The following MGAT4C variants were observed in gnomAD, a reference collection of about 807,000 sequenced individuals.
The protein encoded by MGAT4C is alpha-1,3-mannosyl-glycoprotein 4-beta-N-acetylglucosaminyltransferase C.
Under a neutral mutation model 40.1 loss-of-function variants are expected in MGAT4C, and 19 were observed. The observed-to-expected ratio is 0.47, with a 90% confidence interval of 0.33 to 0.70. The LOEUF (loss-of-function observed/expected upper bound fraction) is 0.70. MGAT4C is among the 30% of genes least tolerant of loss of function. MGAT4C has a pLI of 0.02. For synonymous variants in MGAT4C, 181 were observed against 187.1 expected (o/e 0.97, Z 0.27); for missense variants, 491 against 563.2 (o/e 0.87, Z 1.30).
At chr12:86,051,247 C>A (rs1892863042) in intron 1 of MGAT4C, among the ~76,000 whole-genome samples, 1 of 151,996 alleles carries the variant, frequency 6.6e-6, no homozygotes, top group African/African-American at 2.4e-5. Context: ...ACTGTACTTA[C>A]TAGTGATGTA....
chr12:86,340,237 A>T (rs1162056717), intron 3 of MGAT4C, among the ~76,000 whole-genome samples: 1 of 152,128 alleles, frequency 6.6e-6, no homozygotes, highest in Non-Finnish European at 1.5e-5. Context: ...TACTTCTATA[A>T]TTTTTATCCA....
intron 2 of MGAT4C, among the ~76,000 whole-genome samples, chr12:86,491,373 G>C (rs1958130652): frequency 6.6e-6 from 1 of 152,134 alleles, no homozygotes; most frequent in African/African-American, 2.4e-5. Context: ...TATCCTTGAT[G>C]AACATTGATG....
At chr12:86,797,544 T>C (rs533132828) in intron 1 of MGAT4C, among the ~76,000 whole-genome samples, 6 of 152,040 alleles carry the variant, frequency 3.9e-5, no homozygotes, top group South Asian at 2.1e-4. Flanking sequence ...GTTTTTACTA[T>C]CTGTTTGTAG....
intron 4 of MGAT4C, among the ~76,000 whole-genome samples, chr12:85,981,111 C>T (rs1884551518): frequency 6.6e-6 from 1 of 151,918 alleles, no homozygotes; most frequent in Admixed American, 6.6e-5. Context: ...TACATTGTTC[C>T]AAGACATAAG....
At chr12:86,796,011 C>CA (rs1177404404) in intron 1 of MGAT4C, among the ~76,000 whole-genome samples, 1 of 152,032 alleles carries the variant, frequency 6.6e-6, no homozygotes, top group African/African-American at 2.4e-5. Flanking sequence ...ACATGAACTT[C>CA]AAAAAATTTA....
intron 2 of MGAT4C, among the ~76,000 whole-genome samples, chr12:86,591,698 A>G (rs1961338123): frequency 6.6e-6 from 1 of 151,826 alleles, no homozygotes; most frequent in African/African-American, 2.4e-5. Context: ...CATTTTAAGC[A>G]ATAGATATAC....
intron 2 of MGAT4C, among the ~76,000 whole-genome samples, chr12:86,558,862 C>T (rs1375111444): frequency 2.0e-5 from 3 of 151,848 alleles, no homozygotes; most frequent in Non-Finnish European, 2.9e-5. Context: ...ATAAATAATT[C>T]TCATTTATCA....
intron 1 of MGAT4C, among the ~76,000 whole-genome samples, chr12:86,253,349 A>C (rs1952382596): frequency 6.6e-6 from 1 of 151,962 alleles, no homozygotes; most frequent in Admixed American, 6.6e-5. Context: ...GGAGAGAGAA[A>C]GAGAAAGAAA....
intron 1 of MGAT4C, among the ~76,000 whole-genome samples, chr12:86,788,216 G>T (rs1330362485): frequency 6.6e-6 from 1 of 150,730 alleles, no homozygotes; most frequent in Non-Finnish European, 1.5e-5. Flanking sequence ...TCAAATTAAG[G>T]GGTTTAGATT....
intron 1 of MGAT4C, among the ~76,000 whole-genome samples, chr12:86,109,585 T>C (rs905156795): frequency 2.0e-5 from 3 of 152,068 alleles, no homozygotes; most frequent in African/African-American, 7.2e-5. Context: ...TCACTATTAT[T>C]CTGATTCATT....
intron 2 of MGAT4C, among the ~76,000 whole-genome samples, chr12:86,573,994 C>T (rs1220032065): frequency 6.6e-6 from 1 of 151,782 alleles, no homozygotes; most frequent in African/African-American, 2.4e-5. Context: ...TTTATATACT[C>T]TTACACAAGG....
chr12:86,774,281 C>CTCTTTCCTTCTTTCTTTCTT (rs1555227736), intron 1 of MGAT4C, among the ~76,000 whole-genome samples: 1 of 58,934 alleles, frequency 1.7e-5, no homozygotes, highest in African/African-American at 6.4e-5. Context: ...CTAAGGCTTG[C>CTCTTTCCTTCTTTCTTTCTT]TCTTTCTTTC....
chr12:86,408,479 CTATATATATATATA>C lies in MGAT4C; in HGVS notation c.-120+26664_-120+26677del, dbSNP rs71076198. Among the ~76,000 whole-genome samples the C allele has an allele frequency of 1.7e-4, 11 of 63,344 alleles. No homozygotes were observed. The East Asian group carries it at 2.2e-3, about 13-fold the overall frequency. The allele number at this position is 63,344 out of a possible 152,430, so 41.6% of individuals were successfully genotyped here. A position where few individuals can be genotyped will look rare whatever the true frequency, so the allele number is the denominator to read the frequency against. ...TCTCTCTCTCTCTCTCTCTCTCTCT[CTATATATATATATA>C]TATATATATATATATATATATTCTT... is the stretch of plus-strand genomic sequence containing the variant. On this transcript the variant is annotated intron_variant, in intron 3 of 7. Coordinates refer to the MGAT4C transcript ENST00000548651.
intron 2 of MGAT4C, among the ~76,000 whole-genome samples, chr12:86,691,119 T>C (rs904408738): frequency 2.0e-5 from 3 of 152,220 alleles, no homozygotes; most frequent in Non-Finnish European, 4.4e-5. Context: ...GATCTGTCTA[T>C]ATTCAATCCA....
chr12:86,462,666 C>G (rs1957618857), intron 2 of MGAT4C, among the ~76,000 whole-genome samples: 1 of 152,122 alleles, frequency 6.6e-6, no homozygotes, highest in African/African-American at 2.4e-5. Context: ...AGCCTTCAGT[C>G]TATAGCTGAA....
chr12:86,804,383 A>T (rs1593223004), intron 1 of MGAT4C, among the ~76,000 whole-genome samples: 2 of 150,582 alleles, frequency 1.3e-5, no homozygotes, highest in Admixed American at 1.3e-4. Context: ...AAGCTGCACA[A>T]TGTGCACATG....
chr12:86,618,971 T>C (rs1019053449), intron 2 of MGAT4C, among the ~76,000 whole-genome samples: 4 of 151,686 alleles, frequency 2.6e-5, no homozygotes, highest in African/African-American at 9.7e-5. Flanking sequence ...AATAAAATAA[T>C]TAGAAAAATA....
intron 1 of MGAT4C, among the ~76,000 whole-genome samples, chr12:86,250,786 A>G (rs1952241578): frequency 6.6e-6 from 1 of 152,126 alleles, no homozygotes. Context: ...TTAAAACATC[A>G]GAAGTTTTAT....
intron 3 of MGAT4C, among the ~76,000 whole-genome samples, chr12:86,362,008 A>G (rs1955486164): frequency 6.6e-6 from 1 of 152,250 alleles, no homozygotes; most frequent in African/African-American, 2.4e-5. Flanking sequence ...AGGATTATAA[A>G]CCATGCTGCT....
Sources: allele counts gnomAD v4.1 joint callset (sites outside exome capture counted in the v4.1 genomes callset), GRCh38; gene constraint gnomAD v4.1.1; transcripts MANE v1.5; gene names NCBI Gene and HGNC (gene_info 2026-07-23, HGNC 2026-07-21).